CACNA2D3: variants seen among roughly 807,000 people sequenced by gnomAD.
CACNA2D3 encodes calcium voltage-gated channel auxiliary subunit alpha2delta 3, also known as voltage-dependent calcium channel subunit alpha-2/delta-3.
In CACNA2D3, 60 loss-of-function variants were observed where a neutral mutation model predicts 160.6. The ratio of observed to expected loss-of-function variants is 0.37; its 90% CI spans 0.30 to 0.46. CACNA2D3 has a LOEUF of 0.46. Ranked by LOEUF, CACNA2D3 falls within the 20% of genes least tolerant of loss-of-function variation. The pLI is 1.00. For synonymous variants in CACNA2D3, 558 were observed against 492.9 expected (o/e 1.13, Z -1.75); for missense variants, 1,205 against 1,365.0 (o/e 0.88, Z 1.85).
intron 2 of CACNA2D3, among the ~76,000 whole-genome samples, chr3:54,252,100 G>GTTTTTTTTTTT (rs548233026): frequency 0.16 from 19,520 of 119,692 alleles, 2,728 homozygotes; most frequent in Non-Finnish European, 0.21. Flanking sequence ...TGCAGAGCTA[G>GTTTTTTTTTTT]TTTTTTTTTT....
intron 27 of CACNA2D3, among the ~76,000 whole-genome samples, chr3:54,931,906 C>A (rs1287827013): frequency 6.6e-6 from 1 of 152,176 alleles, no homozygotes; most frequent in Non-Finnish European, 1.5e-5. Flanking sequence ...AAAGGCCAGG[C>A]TCAGTGGTTC....
At chr3:54,157,805 A>G (rs1700271430) in intron 2 of CACNA2D3, among the ~76,000 whole-genome samples, 2 of 143,164 alleles carry the variant, frequency 1.4e-5, no homozygotes, top group African/African-American at 5.4e-5. Flanking sequence ...AAAAACAAAA[A>G]AGCAAAAAAA....
chr3:55,003,062 A>G (rs564033978), intron 31 of CACNA2D3, among the ~76,000 whole-genome samples: 4 of 152,192 alleles, frequency 2.6e-5, no homozygotes, highest in African/African-American at 7.2e-5. Flanking sequence ...AACAGAGCCA[A>G]CACCAGTCCT....
intron 3 of CACNA2D3, among the ~76,000 whole-genome samples, chr3:54,342,949 C>T (rs558573473): frequency 4.6e-5 from 7 of 152,248 alleles, no homozygotes; most frequent in East Asian, 1.9e-4. Context: ...CCTGGGTAGC[C>T]GCACAGAGTT....
intron 11 of CACNA2D3, among the ~76,000 whole-genome samples, chr3:54,664,117 C>T (rs2106886261): frequency 6.6e-6 from 1 of 152,346 alleles, no homozygotes; most frequent in Admixed American, 6.5e-5. Flanking sequence ...AAAGAGGTTG[C>T]ATCCCCAAGG....
At chr3:54,205,660 T>C (rs1701263789) in intron 2 of CACNA2D3, among the ~76,000 whole-genome samples, 1 of 152,198 alleles carries the variant, frequency 6.6e-6, no homozygotes, top group Admixed American at 6.5e-5. Context: ...CATATTAACA[T>C]TCTTGATATT....
intron 11 of CACNA2D3, among the ~76,000 whole-genome samples, chr3:54,652,933 C>G (rs890454853): frequency 1.3e-5 from 2 of 152,036 alleles, no homozygotes; most frequent in Non-Finnish European, 1.5e-5. Context: ...TAGGCGCACA[C>G]CACCACACCC....
intron 12 of CACNA2D3, among the ~76,000 whole-genome samples, chr3:54,763,893 ATG>A (rs1287427470): frequency 0.05 from 180 of 3,590 alleles, 20 homozygotes; most frequent in Non-Finnish European, 0.096. Context: ...ATATATATGT[ATG>A]TGGGGGGGGG....
chr3:54,492,050 T>C (rs1701119039), intron 4 of CACNA2D3, among the ~76,000 whole-genome samples: 1 of 152,146 alleles, frequency 6.6e-6, no homozygotes, highest in Admixed American at 6.5e-5. Flanking sequence ...GAAGCTTTGC[T>C]CTACATGGTT....
intron 29 of CACNA2D3, among the ~76,000 whole-genome samples, chr3:54,973,623 C>G (rs555235231): frequency 1.1e-4 from 17 of 152,266 alleles, no homozygotes; most frequent in Admixed American, 1.1e-3. Context: ...TGCCTCCAGG[C>G]AGCCAGGCGC....
intron 11 of CACNA2D3, among the ~76,000 whole-genome samples, chr3:54,725,216 G>T (rs536959143): frequency 1.3e-5 from 2 of 152,306 alleles, no homozygotes; most frequent in South Asian, 4.1e-4. Context: ...AAACCAGGAA[G>T]AAGTCGAATC....
At chr3:54,891,296 A>G in intron 24 of CACNA2D3, 59 bp from the exon 25 acceptor site, 1 of 1,124,338 alleles carries the variant, frequency 8.9e-7, no homozygotes, top group African/African-American at 1.6e-5. Context: ...CTTAAAATGC[A>G]ATGTATTATC....
In CACNA2D3 at chr3:54,242,615, C is replaced by G. The variant is rs577558227; in HGVS notation, c.205-77827C>G. 2.6e-5 allele frequency among the ~76,000 whole-genome samples: 4 copies of G among 152,328 alleles called. No homozygotes were observed. In the South Asian group the frequency reaches 8.3e-4, roughly 32 times the overall value. ...GTCAATCTGCTCGCCCAGGCAGCTA[C>G]TGAGTGACAAATGGGTGGGTAGCAT... is the stretch of plus-strand genomic sequence containing the variant. On this transcript the variant is annotated intron_variant, in intron 2 of 37. Coordinates refer to ENST00000474759, the MANE Select transcript of CACNA2D3 (RefSeq NM_018398.3).
In CACNA2D3 at chr3:55,049,674, C is replaced by T. The variant is rs534681299; in HGVS notation, c.2988-23771C>T. ...GGGTATCCTTGTTGACTTTCTGTCT[C>T]GTTGATCTGTCTGATATTGACAGTG... On this transcript the variant is annotated intron_variant, in intron 35 of 37. Coordinates refer to ENST00000474759, the MANE Select transcript of CACNA2D3 (RefSeq NM_018398.3). 2.0e-4 allele frequency among the ~76,000 whole-genome samples: 30 copies of T among 146,720 alleles called. 1 individual carries two copies. The highest frequency in any genetic ancestry group is 3.4e-3 in the Middle Eastern group (1 of 290).
At chr3:54,744,226 T>C (rs922306159) in intron 11 of CACNA2D3, among the ~76,000 whole-genome samples, 4 of 152,190 alleles carry the variant, frequency 2.6e-5, no homozygotes, top group Non-Finnish European at 5.9e-5. Flanking sequence ...CAAATGAACT[T>C]TCTCAGTTTG....
intron 2 of CACNA2D3, among the ~76,000 whole-genome samples, chr3:54,304,555 A>T (rs1000913528): frequency 6.6e-6 from 1 of 152,244 alleles, no homozygotes; most frequent in African/African-American, 2.4e-5. Context: ...AAACTGTGAT[A>T]TTTGGGAGAA....
At chr3:54,467,966 C>G (rs1348627217) in intron 4 of CACNA2D3, among the ~76,000 whole-genome samples, 1 of 151,980 alleles carries the variant, frequency 6.6e-6, no homozygotes, top group Non-Finnish European at 1.5e-5. Flanking sequence ...ATGCATGTGT[C>G]AAAACATCAC....
At chr3:54,224,030 G>A (rs1446769813) in intron 2 of CACNA2D3, among the ~76,000 whole-genome samples, 1 of 151,864 alleles carries the variant, frequency 6.6e-6, no homozygotes, top group Non-Finnish European at 1.5e-5. Flanking sequence ...TACTGTATAT[G>A]CTTTTTCTAT....
chr3:54,847,373 T>C (rs1347176400), intron 17 of CACNA2D3, among the ~76,000 whole-genome samples: 2 of 152,220 alleles, frequency 1.3e-5, no homozygotes, highest in African/African-American at 2.4e-5. Context: ...CGTACCTATA[T>C]GCACATACAC....
Sources: allele counts gnomAD v4.1 joint callset (sites outside exome capture counted in the v4.1 genomes callset), GRCh38; gene constraint gnomAD v4.1.1; transcripts MANE v1.5; gene names NCBI Gene and HGNC (gene_info 2026-07-23, HGNC 2026-07-21).